MACROD2: variants seen among roughly 807,000 people sequenced by gnomAD.
MACROD2 encodes the protein mono-ADP ribosylhydrolase 2.
Under a neutral mutation model 70.4 loss-of-function variants are expected in MACROD2, and 36 were observed. The ratio of observed to expected loss-of-function variants is 0.51; its 90% confidence interval spans 0.39 to 0.68. The LOEUF is 0.68. MACROD2 is among the 30% of genes least tolerant of loss of function. The pLI is 0.00. For missense variants in MACROD2, 496 were observed against 538.4 expected (o/e 0.92, Z 0.78); for synonymous variants, 172 against 178.8 (o/e 0.96, Z 0.30).
intron 10 of MACROD2, chr20:15,893,773 G>C: frequency 2.2e-6 from 1 of 456,752 alleles, no homozygotes; most frequent in Non-Finnish European, 4.4e-6. Flanking sequence ...ACTGGGAAAT[G>C]AAGAGTGTAA....
At chr20:14,604,910 A>G (rs977509485) in intron 4 of MACROD2, among the ~76,000 whole-genome samples, 2 of 152,202 alleles carry the variant, frequency 1.3e-5, no homozygotes, top group Admixed American at 1.3e-4. Flanking sequence ...TTATGTATGG[A>G]AAGGCTGGTA....
chr20:14,320,603 G>A (rs988562526), intron 3 of MACROD2, among the ~76,000 whole-genome samples: 3 of 151,288 alleles, frequency 2.0e-5, no homozygotes, highest in African/African-American at 4.9e-5. Flanking sequence ...TGGACTATTG[G>A]CCTTTATCCA....
chr20:15,579,978 T>A (rs2048501806), intron 8 of MACROD2, among the ~76,000 whole-genome samples: 2 of 152,166 alleles, frequency 1.3e-5, no homozygotes, highest in Admixed American at 1.3e-4. Flanking sequence ...ACTTCCGGAA[T>A]GCAAGAGTCC....
intron 5 of MACROD2, among the ~76,000 whole-genome samples, chr20:15,150,044 G>A (rs1229233200): frequency 2.8e-5 from 4 of 142,906 alleles, no homozygotes; most frequent in Non-Finnish European, 6.5e-5. Context: ...AGGAGTTGTT[G>A]TTTTGTAGAA....
At chr20:14,092,295 C>T (rs1021309908) in intron 3 of MACROD2, among the ~76,000 whole-genome samples, 5 of 151,984 alleles carry the variant, frequency 3.3e-5, no homozygotes, top group African/African-American at 1.2e-4. Context: ...TATTTGCCAC[C>T]TGTATGTCTT....
chr20:14,363,991 A>G (rs1453314814), intron 3 of MACROD2, among the ~76,000 whole-genome samples: 1 of 152,122 alleles, frequency 6.6e-6, no homozygotes, highest in Non-Finnish European at 1.5e-5. Flanking sequence ...CCTTGGCCAC[A>G]CCCTGTACTA....
At chr20:15,793,708 T>A (rs2063646708) in intron 8 of MACROD2, among the ~76,000 whole-genome samples, 1 of 150,734 alleles carries the variant, frequency 6.6e-6, no homozygotes, top group South Asian at 2.1e-4. Context: ...GGTAGATCCT[T>A]GTATCATAAT....
At chr20:14,501,772 T>A (rs898020438) in intron 4 of MACROD2, among the ~76,000 whole-genome samples, 2 of 152,162 alleles carry the variant, frequency 1.3e-5, no homozygotes, top group African/African-American at 4.8e-5. Flanking sequence ...TCTTTTCAGA[T>A]GTGGAAATAC....
In MACROD2 at chr20:15,154,634, G is replaced by A. The variant is rs75743063; in HGVS notation, c.419-75306G>A. ...CCCCCTCTTCCACTTTACAGATCCCGTCTTGTTGCATCCTCACAAGGTGAG... is the reference window on the plus strand; with the variant it reads ...CCCCCTCTTCCACTTTACAGATCCCATCTTGTTGCATCCTCACAAGGTGAG... On this transcript the variant is annotated intron_variant, in intron 5 of 17. Coordinates refer to ENST00000684519, the MANE Select transcript of MACROD2 (RefSeq NM_001351661.2). Among the ~76,000 whole-genome samples, 1,070 of 152,264 alleles carry A rather than the reference G, an allele frequency of 7.0e-3. 82 individuals carry two copies. The East Asian group carries it at 0.16, about 22-fold the overall frequency.
chr20:15,331,273 A>G (rs1246413065), intron 6 of MACROD2, among the ~76,000 whole-genome samples: 1 of 151,696 alleles, frequency 6.6e-6, no homozygotes, highest in Admixed American at 6.6e-5. Context: ...AATTCTTTTT[A>G]CCCATAGTAA....
At chr20:15,626,938 C>G (rs2049212107) in intron 8 of MACROD2, among the ~76,000 whole-genome samples, 1 of 151,386 alleles carries the variant, frequency 6.6e-6, no homozygotes, top group African/African-American at 2.4e-5. Context: ...AGATTTATTG[C>G]TGTGGAATTC....
chr20:15,480,007 G>A (rs1019358076), intron 7 of MACROD2, among the ~76,000 whole-genome samples: 5 of 152,208 alleles, frequency 3.3e-5, no homozygotes, highest in Non-Finnish European at 5.9e-5. Flanking sequence ...AATTAATCTT[G>A]TAGAAAAGTC....
intron 8 of MACROD2, among the ~76,000 whole-genome samples, chr20:15,812,785 G>A (rs375442061): frequency 1.3e-5 from 2 of 152,096 alleles, no homozygotes; most frequent in Non-Finnish European, 2.9e-5. Flanking sequence ...TCTCTTCAAC[G>A]TTAGAAGGAC....
chr20:15,343,353 T>TA (rs2078130589), intron 6 of MACROD2, among the ~76,000 whole-genome samples: 1 of 152,184 alleles, frequency 6.6e-6, no homozygotes, highest in African/African-American at 2.4e-5. Flanking sequence ...TGATTGAGGA[T>TA]AAAAAATTGA....
intron 5 of MACROD2, among the ~76,000 whole-genome samples, chr20:14,704,753 C>G (rs974049000): frequency 6.6e-6 from 1 of 152,160 alleles, no homozygotes. Flanking sequence ...GCACCAGACT[C>G]TTACCACATT....
chr20:14,355,311 A>G (rs1162532125), intron 3 of MACROD2, among the ~76,000 whole-genome samples: 1 of 152,220 alleles, frequency 6.6e-6, no homozygotes, highest in Admixed American at 6.5e-5. Context: ...GATAACTAAT[A>G]TAAGACAGAG....
intron 15 of MACROD2, among the ~76,000 whole-genome samples, chr20:16,032,889 G>A (rs928178568): frequency 2.7e-5 from 4 of 148,940 alleles, no homozygotes; most frequent in African/African-American, 7.4e-5. Context: ...GGAGAGGAGG[G>A]GAAGACTCTG....
chr20:14,401,193 C>A (rs2122836445), intron 3 of MACROD2, among the ~76,000 whole-genome samples: 1 of 152,262 alleles, frequency 6.6e-6, no homozygotes, highest in Middle Eastern at 3.4e-3. Flanking sequence ...GTTCTGGAAA[C>A]TGCATATTTC....
chr20:14,838,511 T>C (rs563925693), intron 5 of MACROD2, among the ~76,000 whole-genome samples: 28 of 152,214 alleles, frequency 1.8e-4, no homozygotes, highest in Admixed American at 1.8e-3. Context: ...TAAACATCAA[T>C]TGAAAATAAC....
Sources: gnomAD v4.1 joint callset for allele counts (sites outside exome capture counted in the v4.1 genomes callset) on GRCh38, gnomAD v4.1.1 for gene constraint, MANE v1.5 for transcripts, NCBI Gene and HGNC (gene_info 2026-07-23, HGNC 2026-07-21) for gene names.